MIPEP: variants seen among roughly 807,000 people sequenced by gnomAD.
MIPEP encodes mitochondrial intermediate peptidase.
In MIPEP, 79 loss-of-function variants were observed where a neutral mutation model predicts 90.3. The ratio of observed to expected loss-of-function variants is 0.87; its 90% confidence interval spans 0.73 to 1.05. The LOEUF is 1.05. MIPEP is among the 50% of genes least tolerant of loss of function. The pLI, the probability that MIPEP is intolerant of heterozygous loss-of-function variation, is 0.00. For missense variants in MIPEP, 940 were observed against 905.6 expected, an observed-to-expected ratio of 1.04 and a Z score of -0.49; for synonymous variants, 334 against 315.8, an observed-to-expected ratio of 1.06 and a Z score of -0.61.
At chr13:23,820,598 C>G (rs139989604) in intron 14 of MIPEP, among the ~76,000 whole-genome samples, 45 of 152,340 alleles carry the variant, frequency 3.0e-4, no homozygotes, top group Non-Finnish European at 5.4e-4. Flanking sequence ...TTCTGGCTAT[C>G]TTACAGCTTC....
At chr13:23,870,666 G>A (rs1399199507) in intron 5 of MIPEP, among the ~76,000 whole-genome samples, 12 of 152,130 alleles carry the variant, frequency 7.9e-5, no homozygotes, top group East Asian at 1.9e-4. Flanking sequence ...TTAGCTGGGC[G>A]TGGTGGCACG....
rs148780512 is a variant in MIPEP, at chr13:23,756,605, G to A, written c.1984C>T (p.Arg662Cys). ...QDPFNRAAGE[R>C]YRREMLAHGG... ...TGGGCCAGCATCTCCCTGCGATAGCGCTCCCCGGCAGCCCTGGGGAAGAGA... is the reference window on the plus strand; with the variant it reads ...TGGGCCAGCATCTCCCTGCGATAGCACTCCCCGGCAGCCCTGGGGAAGAGA... The change falls in exon 18 of 19, where the codon CGC becomes TGC. Residue 662 changes from arginine to cysteine, a missense_variant. By Grantham distance (180) the Arg-to-Cys change is radical (BLOSUM62 -3). Transcript: ENST00000382172. 444 of 1,613,230 alleles carry A rather than the reference G, an allele frequency of 2.8e-4. No individual in the cohort carries two copies. The highest frequency in any genetic ancestry group is 6.2e-4 in the East Asian group (28 of 44,890).
Position 23,888,628 on chromosome 13 carries a change from G to C in MIPEP, c.189+504C>G, listed in dbSNP as rs974949471. On this transcript the variant is annotated intron_variant, in intron 1 of 18. Coordinates refer to ENST00000382172, the MANE Select transcript of MIPEP (RefSeq NM_005932.4). The stretch of plus-strand genomic sequence containing the variant: ...TTAAAACAAGAAAGCCCAAAGCTTT[G>C]AAATAAATTAATTAATAGATGATGG... 20 of 846,224 alleles carry C rather than the reference G, an allele frequency of 2.4e-5. No individual in the cohort carries two copies. The African/African-American group carries it at 2.9e-4, about 12-fold the overall frequency. 52.4% of individuals were successfully genotyped at this position (846,224 alleles called of 1,614,324 possible).
At chr13:23,823,849 T>TGGCTTG (rs1953336905) in intron 14 of MIPEP, among the ~76,000 whole-genome samples, 1 of 152,150 alleles carries the variant, frequency 6.6e-6, no homozygotes, top group African/African-American at 2.4e-5. Flanking sequence ...AAAAGGGGTT[T>TGGCTTG]GGCTTGGACA....
At position 23,862,327 on chromosome 13, in the gene MIPEP, T is replaced by G. The variant is rs1056926438; in HGVS notation, c.1028A>C (p.Lys343Thr). 5 of 1,584,182 alleles carry G rather than the reference T, an allele frequency of 3.2e-6. No individual in the cohort carries two copies. Among genetic ancestry groups the G allele is most frequent in the African/African-American group, 1.3e-5 (1 of 74,430 alleles). Residue 343 changes from lysine (K) to threonine (T), a missense_variant, in exon 9 of 19, where the codon AAA (lysine) becomes ACA (threonine). Transcript: ENST00000382172. Reference protein sequence around the residue: ...LKDFEMIRGMKMKLNPQNSEV... With the variant: ...LKDFEMIRGMTMKLNPQNSEV... ...GGAATTTTGAGGATTCAGTTTCATT[T>G]TCATCCCTCGTATCATCTCAAAATC... is the stretch of plus-strand genomic sequence containing the variant.
intron 14 of MIPEP, among the ~76,000 whole-genome samples, chr13:23,814,976 G>A (rs1953217031): frequency 6.6e-6 from 1 of 152,144 alleles, no homozygotes; most frequent in African/African-American, 2.4e-5. Context: ...GAACTGTGAA[G>A]CCACATTTTC....
chr13:23,737,501 G>C (rs1032822240), intron 18 of MIPEP, among the ~76,000 whole-genome samples: 2 of 152,126 alleles, frequency 1.3e-5, no homozygotes, highest in African/African-American at 4.8e-5. Flanking sequence ...TCCTAACTAT[G>C]CATATTTCTA....
chr13:23,858,855 C>T lies in MIPEP; in HGVS notation c.1106+5G>A, dbSNP rs371895015. 1.2e-6 allele frequency: 2 copies of T among 1,613,098 alleles called. No homozygotes were observed. The highest frequency in any genetic ancestry group is 1.3e-5 in the African/African-American group (1 of 74,868). On this transcript the variant is annotated splice_donor_5th_base_variant and intron_variant, in intron 10 of 18. Coordinates refer to ENST00000382172, the MANE Select transcript of MIPEP (RefSeq NM_005932.4). ...TCCTGTACGGGTATTTCTTGAAAAA[C>T]TTACCTTTCTGCACGAATCACACCA...
At chr13:23,878,956 G>T (rs1871174933) in intron 4 of MIPEP, among the ~76,000 whole-genome samples, 1 of 152,188 alleles carries the variant, frequency 6.6e-6, no homozygotes, top group Non-Finnish European at 1.5e-5. Context: ...AACAGACCAA[G>T]CCCTACCCTC....
intron 14 of MIPEP, among the ~76,000 whole-genome samples, chr13:23,825,846 G>C (rs1439578627): frequency 6.6e-6 from 1 of 152,172 alleles, no homozygotes; most frequent in Non-Finnish European, 1.5e-5. Flanking sequence ...CAACTTCACA[G>C]ACTGCCAGAA....
intron 16 of MIPEP, among the ~76,000 whole-genome samples, chr13:23,801,277 C>A (rs1465190857): frequency 6.6e-6 from 1 of 152,120 alleles, no homozygotes; most frequent in Non-Finnish European, 1.5e-5. Context: ...CTCATCATCC[C>A]AACCCATATA....
chr13:23,841,029 G>A (rs1869271592), intron 11 of MIPEP, among the ~76,000 whole-genome samples: 1 of 152,128 alleles, frequency 6.6e-6, no homozygotes, highest in Non-Finnish European at 1.5e-5. Flanking sequence ...AGCTATGAAG[G>A]TATATACAAA....
intron 16 of MIPEP, among the ~76,000 whole-genome samples, chr13:23,782,350 C>A (rs1409653645): frequency 4.6e-5 from 7 of 152,140 alleles, no homozygotes; most frequent in African/African-American, 1.7e-4. Context: ...TGCTCCTGAA[C>A]GACCACCGGG....
chr13:23,884,608 A>G (rs528397468), intron 2 of MIPEP, among the ~76,000 whole-genome samples: 48 of 152,198 alleles, frequency 3.2e-4, no homozygotes, highest in Non-Finnish European at 5.3e-4. Context: ...CTCTTGTGAA[A>G]ATGGAGATAT....
intron 14 of MIPEP, among the ~76,000 whole-genome samples, chr13:23,827,068 A>C (rs541919725): frequency 3.9e-5 from 6 of 152,228 alleles, no homozygotes; most frequent in Non-Finnish European, 8.8e-5. Flanking sequence ...GTTAAATGCA[A>C]ATACTACACC....
Position 23,879,484 on chromosome 13 carries a change from C to G in MIPEP, c.453-130G>C, listed in dbSNP as rs1254496229. 1.5e-5 allele frequency: 9 copies of G among 580,934 alleles called. No individual in the cohort carries two copies. The Admixed American group carries it at 1.9e-4, about 12-fold the overall frequency. 36.0% of individuals were successfully genotyped at this position (580,934 alleles called of 1,614,324 possible). ...GCTGAACAGCATAACCTACCAGGAACAGTGTAACCATCCTTCCTTCCTTCT... is the reference window on the plus strand; with the variant it reads ...GCTGAACAGCATAACCTACCAGGAAGAGTGTAACCATCCTTCCTTCCTTCT... On this transcript the variant is annotated intron_variant, in intron 3 of 18. Coordinates refer to ENST00000382172, the MANE Select transcript of MIPEP (RefSeq NM_005932.4).
intron 16 of MIPEP, among the ~76,000 whole-genome samples, chr13:23,762,056 C>T (rs926622769): frequency 9.9e-5 from 15 of 152,076 alleles, no homozygotes; most frequent in Admixed American, 7.9e-4. Context: ...ACCCGGGAGG[C>T]GGAGGTTGTA....
intron 18 of MIPEP, among the ~76,000 whole-genome samples, chr13:23,734,325 C>T (rs1052834853): frequency 4.6e-5 from 7 of 152,146 alleles, no homozygotes; most frequent in East Asian, 1.9e-4. Context: ...CACGTGTGTC[C>T]GTGTCCTTGT....
chr13:23,800,755 G>GT (rs1168741284), intron 16 of MIPEP, among the ~76,000 whole-genome samples: 1 of 152,176 alleles, frequency 6.6e-6, no homozygotes, highest in African/African-American at 2.4e-5. Context: ...ATTTTCCAAA[G>GT]TATGACCTAC....
Sources: allele counts gnomAD v4.1 joint callset (sites outside exome capture counted in the v4.1 genomes callset), GRCh38; gene constraint gnomAD v4.1.1; transcripts MANE v1.5; gene names NCBI Gene and HGNC (gene_info 2026-07-23, HGNC 2026-07-21).